The following CACNA2D3 variants were observed in gnomAD, a reference collection of about 807,000 sequenced individuals.
CACNA2D3 encodes the protein voltage-dependent calcium channel subunit alpha-2/delta-3.
A neutral mutation model predicts 160.6 loss-of-function variants in CACNA2D3; 60 were observed. The observed-to-expected ratio is 0.37, with a 90% CI of 0.30 to 0.46. The LOEUF (loss-of-function observed/expected upper bound fraction) is 0.46. CACNA2D3 is among the 20% of genes least tolerant of loss of function. CACNA2D3 has a pLI of 1.00. For synonymous variants in CACNA2D3, 558 were observed against 492.9 expected (o/e 1.13, Z -1.75); for missense variants, 1,205 against 1,365.0 (o/e 0.88, Z 1.85).
chr3:54,942,402 G>C (rs1360579565), intron 27 of CACNA2D3, among the ~76,000 whole-genome samples: 1 of 152,188 alleles, frequency 6.6e-6, no homozygotes, highest in Non-Finnish European at 1.5e-5. Flanking sequence ...CACACCTTCT[G>C]ATTTGGGCAC....
In CACNA2D3 at chr3:54,585,443, A is replaced by C. The variant is rs140464947; in HGVS notation, c.963+3566A>C. On this transcript the variant is annotated intron_variant, in intron 9 of 37. Coordinates refer to ENST00000474759, the MANE Select transcript of CACNA2D3 (RefSeq NM_018398.3). ...AAACAGAGGAATTAGAAAGAGGATG[A>C]ATAGGAAAAAAATAAACTGGCAGAC... Among the ~76,000 whole-genome samples the C allele has an allele frequency of 2.3e-3, 349 of 152,336 alleles. 2 individuals are homozygous for C. The highest frequency in any genetic ancestry group is 7.9e-3 in the African/African-American group (329 of 41,576).
intron 27 of CACNA2D3, among the ~76,000 whole-genome samples, chr3:54,917,058 T>G (rs920652058): frequency 2.6e-5 from 4 of 152,232 alleles, no homozygotes; most frequent in Non-Finnish European, 5.9e-5. Context: ...TCTCTTCTTG[T>G]GTAAAATGAT....
intron 2 of CACNA2D3, among the ~76,000 whole-genome samples, chr3:54,239,010 C>T (rs4928018): frequency 0.019 from 2,912 of 152,206 alleles, 98 homozygotes; most frequent in Admixed American, 0.083. Context: ...ACTGTGGAAG[C>T]GATGTCCATA....
chr3:54,151,624 A>T (rs1227560102), intron 2 of CACNA2D3, among the ~76,000 whole-genome samples: 2 of 151,944 alleles, frequency 1.3e-5, no homozygotes, highest in Non-Finnish European at 2.9e-5. Flanking sequence ...GGGCAGTGTG[A>T]CCCCCATTAA....
intron 2 of CACNA2D3, among the ~76,000 whole-genome samples, chr3:54,308,463 C>G (rs1447963868): frequency 6.6e-6 from 1 of 152,188 alleles, no homozygotes; most frequent in East Asian, 1.9e-4. Context: ...TGGAAGACTC[C>G]AAGGCCTGAG....
At position 54,736,093 on chromosome 3, in the gene CACNA2D3, ATATATACATATATATG is replaced by A. The variant is rs1701514984; in HGVS notation, c.1168-16499_1168-16484del. On this transcript the variant is annotated intron_variant, in intron 11 of 37. Transcript: ENST00000474759. ...TATATACATATATATGTATGTGTAT[ATATATACATATATATG>A]TATATATATACATATATATATGTAT... Among the ~76,000 whole-genome samples, 7 of 18,050 alleles carry A rather than the reference ATATATACATATATATG, an allele frequency of 3.9e-4. 1 individual carries two copies. Among genetic ancestry groups the A allele is most frequent in the African/African-American group, 9.8e-4 (4 of 4,076 alleles). 11.8% of individuals were successfully genotyped at this position (18,050 alleles called of 152,430 possible).
At chr3:54,294,235 T>A (rs1703278117) in intron 2 of CACNA2D3, among the ~76,000 whole-genome samples, 1 of 152,220 alleles carries the variant, frequency 6.6e-6, no homozygotes, top group South Asian at 2.1e-4. Flanking sequence ...TTTTAGATAC[T>A]GTCTTTTTAG....
chr3:54,320,893 A>G (rs1404138672), intron 3 of CACNA2D3, among the ~76,000 whole-genome samples: 5 of 152,220 alleles, frequency 3.3e-5, no homozygotes, highest in Non-Finnish European at 7.3e-5. Context: ...GGGTTCAACT[A>G]AGCTCTAGTC....
chr3:54,254,411 T>C (rs1702256055), intron 2 of CACNA2D3, among the ~76,000 whole-genome samples: 1 of 152,240 alleles, frequency 6.6e-6, no homozygotes, highest in Non-Finnish European at 1.5e-5. Flanking sequence ...TTGTTTCTTT[T>C]TAAAACAATA....
intron 25 of CACNA2D3, among the ~76,000 whole-genome samples, chr3:54,894,023 G>A (rs2106873974): frequency 6.6e-6 from 1 of 152,158 alleles, no homozygotes; most frequent in African/African-American, 2.4e-5. Context: ...ATACAACCCT[G>A]GTAAAGTGCA....
chr3:54,639,324 G>A (rs1365408512), intron 10 of CACNA2D3: 1 of 152,188 alleles, frequency 6.6e-6, no homozygotes, highest in Non-Finnish European at 1.5e-5. Flanking sequence ...CGCTAAGGGT[G>A]AAGGACCAAG....
chr3:54,525,581 C>G (rs1701712621), intron 5 of CACNA2D3, among the ~76,000 whole-genome samples: 1 of 152,122 alleles, frequency 6.6e-6, no homozygotes, highest in Non-Finnish European at 1.5e-5. Flanking sequence ...TAAAAAATAG[C>G]TATGCTGGAT....
At chr3:54,629,748 A>G (rs1699194320) in intron 10 of CACNA2D3, among the ~76,000 whole-genome samples, 1 of 152,246 alleles carries the variant, frequency 6.6e-6, no homozygotes, top group Admixed American at 6.5e-5. Flanking sequence ...CCAGGTGGTG[A>G]TATTGAAAAG....
At chr3:54,812,715 G>A (rs151087605) in intron 13 of CACNA2D3, among the ~76,000 whole-genome samples, 14 of 152,298 alleles carry the variant, frequency 9.2e-5, no homozygotes, top group South Asian at 2.1e-4. Flanking sequence ...TTGTGTGGTC[G>A]TGTGAGAAGT....
intron 4 of CACNA2D3, among the ~76,000 whole-genome samples, chr3:54,441,221 A>G (rs1226472051): frequency 1.3e-5 from 2 of 151,996 alleles, no homozygotes; most frequent in Non-Finnish European, 2.9e-5. Flanking sequence ...TTTGATTTGC[A>G]TTTCTCTGGT....
At chr3:54,343,748 A>G (rs996602805) in intron 3 of CACNA2D3, among the ~76,000 whole-genome samples, 5 of 152,316 alleles carry the variant, frequency 3.3e-5, no homozygotes, top group African/African-American at 9.6e-5. Flanking sequence ...CCACAGCCCA[A>G]GAATTCATGG....
intron 14 of CACNA2D3, among the ~76,000 whole-genome samples, chr3:54,830,402 T>A (rs1703848346): frequency 6.6e-6 from 1 of 152,190 alleles, no homozygotes; most frequent in African/African-American, 2.4e-5. Context: ...CGCCGGTCTT[T>A]GCTTCAGTTG....
Position 54,748,087 on chromosome 3 carries a change from C to T in CACNA2D3, c.1168-4512C>T, listed in dbSNP as rs140270199. Among the ~76,000 whole-genome samples, 13 of 152,284 alleles carry T rather than the reference C, an allele frequency of 8.5e-5. No individual in the cohort carries two copies. The East Asian group carries it at 1.9e-3, about 23-fold the overall frequency. On this transcript the variant is annotated intron_variant, in intron 11 of 37. Transcript: ENST00000474759. Reference sequence around the variant, plus strand: ...ACATAGTAGTCACTCATGAGTTACACGTGATAGATGACAAACTACTCCTCT... The same window carrying T: ...ACATAGTAGTCACTCATGAGTTACATGTGATAGATGACAAACTACTCCTCT...
intron 11 of CACNA2D3, among the ~76,000 whole-genome samples, chr3:54,720,710 T>G (rs1446083025): frequency 6.6e-6 from 1 of 152,162 alleles, no homozygotes; most frequent in East Asian, 1.9e-4. Context: ...TATTTCTCTC[T>G]GTCTCATTTT....
Sources: allele counts gnomAD v4.1 joint callset (sites outside exome capture counted in the v4.1 genomes callset), GRCh38; gene constraint gnomAD v4.1.1; transcripts MANE v1.5; gene names NCBI Gene and HGNC (gene_info 2026-07-23, HGNC 2026-07-21).